ZNF438: variants seen among roughly 807,000 people sequenced by gnomAD.
ZNF438 encodes the protein zinc finger protein 438.
In ZNF438, 25 loss-of-function variants were observed where a neutral mutation model predicts 38.0. That is an observed-to-expected ratio of 0.66 (90% CI 0.48 to 0.92). The LOEUF (loss-of-function observed/expected upper bound fraction) is 0.92. Ranked by LOEUF, ZNF438 falls within the 40% of genes least tolerant of loss-of-function variation. The pLI is 0.00. For missense variants in ZNF438, 1,007 were observed against 999.6 expected (o/e 1.01, Z -0.10); for synonymous variants, 372 against 364.1 (o/e 1.02, Z -0.25).
intron 3 of ZNF438, among the ~76,000 whole-genome samples, chr10:30,881,356 A>T (rs1433207481): frequency 6.6e-6 from 1 of 152,184 alleles, no homozygotes; most frequent in Non-Finnish European, 1.5e-5. Flanking sequence ...AAATTGAGAC[A>T]ATAAATCAGA....
intron 1 of ZNF438, among the ~76,000 whole-genome samples, chr10:30,992,241 T>C (rs775932857): frequency 1.3e-5 from 2 of 152,132 alleles, no homozygotes; most frequent in Non-Finnish European, 2.9e-5. Flanking sequence ...TACCAAGACG[T>C]AGGATTTTTG....
intron 2 of ZNF438, among the ~76,000 whole-genome samples, chr10:30,925,434 G>A (rs2044801962): frequency 1.3e-5 from 2 of 152,150 alleles, no homozygotes; most frequent in South Asian, 4.1e-4. Flanking sequence ...TATCCAGAAA[G>A]TATAAAAGAA....
intron 2 of ZNF438, among the ~76,000 whole-genome samples, chr10:30,936,631 G>A (rs979280529): frequency 2.0e-5 from 3 of 152,130 alleles, no homozygotes; most frequent in South Asian, 4.1e-4. Flanking sequence ...CTGAGATTGC[G>A]CCATCGCACT....
At position 30,857,366 on chromosome 10, in the gene ZNF438, T is replaced by C. The variant is rs182030301; in HGVS notation, c.38-6999A>G. On this transcript the variant is annotated intron_variant, in intron 4 of 5. Transcript: ENST00000413025. ...ACCTCCCAGGTTCAAGTGATTCTCC[T>C]GCCTTAGCCTCCCGAGTAGCTGGGA... Among the ~76,000 whole-genome samples the C allele has an allele frequency of 4.6e-5, 7 of 151,924 alleles. No homozygotes were observed. In the East Asian group the frequency reaches 1.4e-3, roughly 29 times the overall value.
intron 1 of ZNF438, among the ~76,000 whole-genome samples, chr10:30,978,484 A>T (rs2051690291): frequency 6.6e-6 from 1 of 152,180 alleles, no homozygotes; most frequent in African/African-American, 2.4e-5. Flanking sequence ...ACATATAATA[A>T]AATATATAAA....
At chr10:30,983,433 G>A (rs58714795) in intron 1 of ZNF438, among the ~76,000 whole-genome samples, 4,522 of 152,208 alleles carry the variant, frequency 0.03, 212 homozygotes, top group African/African-American at 0.1. Context: ...ATAGTGTGAA[G>A]GGGGAGGTGT....
intron 5 of ZNF438, among the ~76,000 whole-genome samples, chr10:30,847,258 ATGGACCAACT>A (rs2032401108): frequency 6.6e-6 from 1 of 152,170 alleles, no homozygotes; most frequent in Non-Finnish European, 1.5e-5. Context: ...ATGACTGCCC[ATGGACCAACT>A]GCACGCATTT....
chr10:30,845,350 C>A (rs745945796), exon 6 of ZNF438: 3 of 1,613,990 alleles, frequency 1.9e-6, no homozygotes, highest in East Asian at 2.2e-5. Flanking sequence ...CTTTTCCAGT[C>A]GGGGCTAGCG....
chr10:31,000,422 C>T (rs1472828523), intron 1 of ZNF438, among the ~76,000 whole-genome samples: 2 of 152,342 alleles, frequency 1.3e-5, no homozygotes, highest in South Asian at 2.1e-4. Flanking sequence ...TTCACATGCA[C>T]ATTAAAATCT....
intron 2 of ZNF438, among the ~76,000 whole-genome samples, chr10:30,933,785 C>G (rs2045939170): frequency 6.6e-6 from 1 of 152,150 alleles, no homozygotes; most frequent in South Asian, 2.1e-4. Context: ...GACCTGGCCC[C>G]AATTGCAGCT....
In ZNF438 at chr10:30,998,540, CAAAAAAAAAAAAAAAAAAAAAAAAAAA is replaced by C. The variant is rs55838240; in HGVS notation, c.-192+33266_-192+33292del. Among the ~76,000 whole-genome samples the C allele has an allele frequency of 1.6e-3, 55 of 33,912 alleles. 3 individuals are homozygous for C. The South Asian group carries it at 0.053, about 33-fold the overall frequency. The allele number at this position is 33,912 out of a possible 152,430, so 22.2% of individuals were successfully genotyped here. On this transcript the variant is annotated intron_variant, in intron 1 of 5. Transcript: ENST00000413025. The stretch of plus-strand genomic sequence containing the variant: ...CCTGGGTGACAGAGAGAGACTGTCT[CAAAAAAAAAAAAAAAAAAAAAAAAAAA>C]AAAAAAAAAAAAAAAAAAAATCAAG...
intron 2 of ZNF438, chr10:30,923,312 C>T (rs1278078096): frequency 1.3e-5 from 2 of 152,152 alleles, no homozygotes; most frequent in African/African-American, 2.4e-5. Flanking sequence ...TTTCCATGAC[C>T]TCACTGTTTT....
At chr10:31,016,203 CATGCTTATGAAA>C (rs1302908414) in intron 1 of ZNF438, among the ~76,000 whole-genome samples, 1 of 151,952 alleles carries the variant, frequency 6.6e-6, no homozygotes, top group Non-Finnish European at 1.5e-5. Context: ...ATGTAAAGCA[CATGCTTATGAAA>C]ATAAAAAGAA....
intron 1 of ZNF438, among the ~76,000 whole-genome samples, chr10:31,011,980 T>C (rs2055746262): frequency 6.6e-6 from 1 of 152,138 alleles, no homozygotes; most frequent in Non-Finnish European, 1.5e-5. Flanking sequence ...TACAAGCCCC[T>C]GCCAGGGCTT....
chr10:30,926,052 A>G (rs1326166852), intron 2 of ZNF438, among the ~76,000 whole-genome samples: 1 of 152,236 alleles, frequency 6.6e-6, no homozygotes, highest in African/African-American at 2.4e-5. Flanking sequence ...CACAGTCATA[A>G]AACACTTACT....
intron 2 of ZNF438, among the ~76,000 whole-genome samples, chr10:30,934,480 C>T (rs911000966): frequency 6.6e-6 from 1 of 152,208 alleles, no homozygotes; most frequent in Non-Finnish European, 1.5e-5. Flanking sequence ...AAACTTCTTA[C>T]CTCTTGTATA....
intron 4 of ZNF438, among the ~76,000 whole-genome samples, chr10:30,863,378 T>C (rs2035901363): frequency 1.3e-5 from 2 of 152,204 alleles, no homozygotes; most frequent in African/African-American, 2.4e-5. Flanking sequence ...ACCAGGTTAG[T>C]TGTCTATGAG....
intron 2 of ZNF438, among the ~76,000 whole-genome samples, chr10:30,934,104 C>T (rs1318791264): frequency 6.6e-6 from 1 of 151,552 alleles, no homozygotes; most frequent in Non-Finnish European, 1.5e-5. Flanking sequence ...CGAGATCGCG[C>T]CACTATACTC....
At chr10:31,016,667 G>A (rs1298676114) in intron 1 of ZNF438, among the ~76,000 whole-genome samples, 1 of 152,170 alleles carries the variant, frequency 6.6e-6, no homozygotes, top group Non-Finnish European at 1.5e-5. Context: ...ACGGGGATGG[G>A]AGGGAAAAGA....
Sources: gnomAD v4.1 joint callset for allele counts (sites outside exome capture counted in the v4.1 genomes callset) on GRCh38, gnomAD v4.1.1 for gene constraint, MANE v1.5 for transcripts, NCBI Gene and HGNC (gene_info 2026-07-23, HGNC 2026-07-21) for gene names.